Variants in PRDM16 observed in about 807,000 individuals in gnomAD.
PRDM16 encodes histone-lysine N-methyltransferase PRDM16.
In PRDM16, 23 loss-of-function variants were observed where a neutral mutation model predicts 110.6. The observed-to-expected ratio is 0.21, with a 90% CI of 0.15 to 0.29. The LOEUF is 0.29. Ranked by LOEUF, PRDM16 falls within the 10% of genes least tolerant of loss-of-function variation. PRDM16 has a pLI of 1.00. For missense variants in PRDM16, 1,615 were observed against 1,794.3 expected (o/e 0.90, Z 1.81); for synonymous variants, 799 against 781.8 (o/e 1.02, Z -0.37).
At chr1:3,386,143 C>CGGGGTGCCT (rs1188925035) in intron 4 of PRDM16, among the ~76,000 whole-genome samples, 6 of 74,668 alleles carry the variant, frequency 8.0e-5, no homozygotes, top group Admixed American at 3.2e-4. Context: ...GTGCGTTCCT[C>CGGGGTGCCT]GGGGTGCCCG....
rs1639737025 is a variant in PRDM16 at position 3,244,211 on chromosome 1, A to G, written c.438+74A>G. 1 of 1,375,584 alleles carries G rather than the reference A, an allele frequency of 7.3e-7. No individual in the cohort carries two copies. Among genetic ancestry groups the G allele is most frequent in the Non-Finnish European group, 1.0e-6 (1 of 967,796 alleles). 85.2% of individuals were successfully genotyped at this position (1,375,584 alleles called of 1,614,324 possible). On this transcript the variant is annotated intron_variant, in intron 3 of 16. Transcript: ENST00000270722. This position sits in a 1 kb window ranked among gnomAD's most constrained non-coding sequence, Gnocchi z 4.1. The stretch of plus-strand genomic sequence containing the variant: ...CTCCTGGCGGGGCGACCGCCATCCC[A>G]GCTGTCCCTGAGCTAACAAGCGTGT...
chr1:3,079,615 C>T (rs891616973), intron 1 of PRDM16, among the ~76,000 whole-genome samples: 3 of 152,214 alleles, frequency 2.0e-5, no homozygotes, highest in African/African-American at 7.2e-5. Flanking sequence ...CACCCGCAGG[C>T]TCTTATTCCT....
intron 1 of PRDM16, among the ~76,000 whole-genome samples, chr1:3,133,912 G>T (rs1006248660): frequency 6.6e-5 from 10 of 152,216 alleles, no homozygotes; most frequent in African/African-American, 2.4e-4. Flanking sequence ...ACCTCGCCTT[G>T]CTCAAAACAA....
chr1:3,237,585 T>G (rs941910948), intron 2 of PRDM16, among the ~76,000 whole-genome samples: 1 of 152,152 alleles, frequency 6.6e-6, no homozygotes, highest in Non-Finnish European at 1.5e-5. Context: ...CAATACCACT[T>G]ATGAAATGAG....
chr1:3,212,839 G>A (rs1479861039), intron 2 of PRDM16, among the ~76,000 whole-genome samples: 5 of 152,190 alleles, frequency 3.3e-5, no homozygotes, highest in Non-Finnish European at 7.4e-5. Context: ...TCTCCCTCCA[G>A]CTCAGCCTCA....
chr1:3,318,384 A>G (rs756076133), intron 3 of PRDM16, among the ~76,000 whole-genome samples: 1 of 152,022 alleles, frequency 6.6e-6, no homozygotes, highest in Non-Finnish European at 1.5e-5. Flanking sequence ...GCTTTTTTCC[A>G]TGTCATTTCT....
chr1:3,170,028 T>C (rs977313790), intron 1 of PRDM16, among the ~76,000 whole-genome samples: 38 of 152,000 alleles, frequency 2.5e-4, no homozygotes, highest in Non-Finnish European at 3.2e-4. Flanking sequence ...AGGGAACAAA[T>C]GGCTCTCCCT....
In PRDM16 at chr1:3,209,671, G is replaced by A. The variant is rs1458398883; in HGVS notation, c.387+23197G>A. On this transcript the variant is annotated intron_variant, in intron 2 of 16. Transcript: ENST00000270722. The surrounding 1 kb of genome is among the most constrained non-coding windows in gnomAD (Gnocchi z 4.6). ...GCCACAAATGCCACCTCCTGCTTCT[G>A]GAGAGGTTTAGTTGTCAACGGCCAC... 6.6e-6 allele frequency among the ~76,000 whole-genome samples: 1 copy of A among 152,174 alleles called. No homozygotes were observed. Among genetic ancestry groups the A allele is most frequent in the Non-Finnish European group, 1.5e-5 (1 of 68,024 alleles).
chr1:3,083,378 G>A (rs1007629892), intron 1 of PRDM16, among the ~76,000 whole-genome samples: 9 of 152,258 alleles, frequency 5.9e-5, no homozygotes, highest in Non-Finnish European at 8.8e-5. Flanking sequence ...TGGGCCTGGC[G>A]CTGGCGGGGC....
intron 5 of PRDM16, among the ~76,000 whole-genome samples, chr1:3,398,934 G>T (rs1166402904): frequency 6.6e-6 from 1 of 152,226 alleles, no homozygotes; most frequent in Non-Finnish European, 1.5e-5. Flanking sequence ...GGGCCAGCCC[G>T]CTTCGGGAGA....
chr1:3,138,356 C>G (rs1643481177), intron 1 of PRDM16, among the ~76,000 whole-genome samples: 1 of 152,258 alleles, frequency 6.6e-6, no homozygotes, highest in Non-Finnish European at 1.5e-5. Flanking sequence ...AAAGCTGAGA[C>G]TGGGGGAGCC....
rs930427344 is a variant in PRDM16, at chr1:3,265,154, G to A, written c.438+21017G>A. Among the ~76,000 whole-genome samples, 3 of 152,130 alleles carry A rather than the reference G, an allele frequency of 2.0e-5. No homozygotes were observed. Among genetic ancestry groups the A allele is most frequent in the African/African-American group, 7.2e-5 (3 of 41,426 alleles). ...CACCTATTGAGGCCGAGGCGAGCGG[G>A]CTGTTAGGACTGGGACTGAGGGTGG... On this transcript the variant is annotated intron_variant, in intron 3 of 16. Coordinates refer to ENST00000270722, the MANE Select transcript of PRDM16 (RefSeq NM_022114.4). This position sits in a 1 kb window ranked among gnomAD's most constrained non-coding sequence, Gnocchi z 4.5.
intron 1 of PRDM16, among the ~76,000 whole-genome samples, chr1:3,116,366 A>C (rs892163135): frequency 6.6e-6 from 1 of 151,982 alleles, no homozygotes; most frequent in Admixed American, 6.6e-5. Flanking sequence ...AGGGCCAATG[A>C]CGGGGGGGAC....
At chr1:3,162,278 G>C (rs974113954) in intron 1 of PRDM16, among the ~76,000 whole-genome samples, 2 of 151,818 alleles carry the variant, frequency 1.3e-5, no homozygotes, top group Admixed American at 1.3e-4. Context: ...CTCCTCCCGA[G>C]TCCCGGGACT....
intron 1 of PRDM16, among the ~76,000 whole-genome samples, chr1:3,119,463 A>G (rs763056606): frequency 6.6e-5 from 10 of 152,156 alleles, no homozygotes; most frequent in African/African-American, 1.2e-4. Flanking sequence ...GTTGGGGGAC[A>G]TGGGGGCTGA....
intron 3 of PRDM16, among the ~76,000 whole-genome samples, chr1:3,247,935 A>C (rs766817991): frequency 3.3e-5 from 5 of 152,182 alleles, no homozygotes; most frequent in Non-Finnish European, 7.3e-5. Context: ...GCTCCTGGAG[A>C]GCAAACATCT....
At chr1:3,152,376 CCAT>C (rs1470688749) in intron 1 of PRDM16, among the ~76,000 whole-genome samples, 8 of 137,714 alleles carry the variant, frequency 5.8e-5, no homozygotes, top group Non-Finnish European at 9.3e-5. Context: ...ATCCATCCAT[CCAT>C]CCATTTATCC....
rs561178511 is a variant in PRDM16 at position 3,367,294 on chromosome 1, GAGCA to G, written c.439-17853_439-17850del. ...TGTCTCAAAAAAAAAAAAATTGATG[GAGCA>G]AGCATCTTTAGTGTTTGCGGCTCAA... On this transcript the variant is annotated intron_variant, in intron 3 of 16. Transcript: ENST00000270722. Among the ~76,000 whole-genome samples the G allele has an allele frequency of 4.7e-3, 710 of 152,230 alleles. 2 individuals carry two copies. The highest frequency in any genetic ancestry group is 7.9e-3 in the Non-Finnish European group (538 of 68,010).
intron 2 of PRDM16, among the ~76,000 whole-genome samples, chr1:3,236,614 A>G (rs984104461): frequency 6.6e-6 from 1 of 152,112 alleles, no homozygotes; most frequent in Non-Finnish European, 1.5e-5. Context: ...ACACCTGTGT[A>G]TCTTCAGGCT....
Sources: allele counts gnomAD v4.1 joint callset (sites outside exome capture counted in the v4.1 genomes callset), GRCh38; gene constraint gnomAD v4.1.1; non-coding constraint Gnocchi (gnomAD v3.1); transcripts MANE v1.5; gene names NCBI Gene and HGNC (gene_info 2026-07-23, HGNC 2026-07-21).